The following NDNF variants were observed in gnomAD, a reference collection of about 807,000 sequenced individuals.
The protein encoded by NDNF is neuron derived neurotrophic factor, also known as protein NDNF.
A neutral mutation model predicts 42.0 loss-of-function variants in NDNF; 16 were observed. The ratio of observed to expected loss-of-function variants is 0.38; its 90% CI spans 0.26 to 0.58. The LOEUF (loss-of-function observed/expected upper bound fraction) is 0.58, where lower values mean the gene tolerates loss of function less well. NDNF is among the 20% of genes least tolerant of loss of function. The probability of loss-of-function intolerance (pLI) is 0.67; values close to 1 mark genes in which losing one functional copy is unlikely to be tolerated. For synonymous variants in NDNF, 248 were observed against 251.7 expected, an observed-to-expected ratio of 0.99 and a Z score of 0.14; for missense variants, 616 against 666.2, an observed-to-expected ratio of 0.92 and a Z score of 0.83.
intron 1 of NDNF, among the ~76,000 whole-genome samples, chr4:121,068,612 A>T (rs1377965222): frequency 6.6e-6 from 1 of 152,158 alleles, no homozygotes; most frequent in Non-Finnish European, 1.5e-5. Context: ...TTTTCTTCCA[A>T]GTGATTAGCT....
At chr4:121,039,856 A>G in intron 3 of NDNF, 74 bp downstream of exon 3, 1 of 1,520,906 alleles carries the variant, frequency 6.6e-7, no homozygotes, top group Non-Finnish European at 8.8e-7. Flanking sequence ...ACTAACACAT[A>G]GAAGGTTGTA....
chr4:121,059,367 A>C (rs1030655644), intron 1 of NDNF, among the ~76,000 whole-genome samples: 2 of 152,250 alleles, frequency 1.3e-5, no homozygotes, highest in African/African-American at 4.8e-5. Context: ...GCTGATGTGT[A>C]GAATTTGTTT....
chr4:121,058,674 T>C (rs1727344889), intron 1 of NDNF, among the ~76,000 whole-genome samples: 2 of 152,276 alleles, frequency 1.3e-5, no homozygotes, highest in African/African-American at 4.8e-5. Context: ...CCCCATGTCC[T>C]ATTAATCCTC....
intron 1 of NDNF, among the ~76,000 whole-genome samples, chr4:121,062,195 G>C (rs1469244615): frequency 6.6e-6 from 1 of 152,166 alleles, no homozygotes; most frequent in Non-Finnish European, 1.5e-5. Flanking sequence ...TAGAAGCACA[G>C]AGTTAAAGGC....
intron 3 of NDNF, among the ~76,000 whole-genome samples, chr4:121,039,142 T>C (rs1351502202): frequency 3.3e-5 from 1 of 30,310 alleles, no homozygotes; most frequent in Non-Finnish European, 9.0e-5. Flanking sequence ...TATATATATA[T>C]GTGTATATAT....
At chr4:121,050,410 T>C (rs1710346091) in intron 1 of NDNF, among the ~76,000 whole-genome samples, 1 of 152,144 alleles carries the variant, frequency 6.6e-6, no homozygotes, top group Admixed American at 6.6e-5. Flanking sequence ...ATTTAAACTT[T>C]ACATTAAATA....
chr4:121,045,579 A>C (rs1298066762), intron 2 of NDNF, 71 bp downstream of exon 2: 2 of 1,332,382 alleles, frequency 1.5e-6, no homozygotes, highest in African/African-American at 2.9e-5. Flanking sequence ...AACTAAGTCT[A>C]AAGGTTACTC....
chr4:121,039,957 G>C lies in NDNF; in HGVS notation c.286C>G (p.Pro96Ala). 1 of 1,613,950 alleles carries C rather than the reference G, an allele frequency of 6.2e-7. No homozygotes were observed. The highest frequency in any genetic ancestry group is 8.5e-7 in the Non-Finnish European group (1 of 1,179,944). ...LEWKLSLQEL[P>A]EDRSGEGSGD... ...GAGCCTTCCCCGCTCCTGTCCTCTGGCAGCTCCTGGAGGCTCAGCTTCCAC... is the reference window on the plus strand; with the variant it reads ...GAGCCTTCCCCGCTCCTGTCCTCTGCCAGCTCCTGGAGGCTCAGCTTCCAC... The change falls in exon 3 of 4, where the codon CCA becomes GCA. Residue 96 changes from proline (P) to alanine (A), a missense_variant. Physicochemically the swap from Pro to Ala is conservative, Grantham distance 27. Coordinates refer to ENST00000379692, the MANE Select transcript of NDNF (RefSeq NM_024574.4).
intron 1 of NDNF, among the ~76,000 whole-genome samples, chr4:121,059,022 C>G (rs1427255839): frequency 1.3e-5 from 2 of 152,112 alleles, no homozygotes; most frequent in Non-Finnish European, 2.9e-5. Context: ...GCAAGTGCCT[C>G]TAGCCTGGGC....
chr4:121,062,752 A>G (rs1307533976), intron 1 of NDNF, among the ~76,000 whole-genome samples: 7 of 152,114 alleles, frequency 4.6e-5, no homozygotes, highest in African/African-American at 1.7e-4. Flanking sequence ...CACTAAGGAA[A>G]AGGCTGCAGC....
Position 121,037,561 on chromosome 4 carries a change from A to G in NDNF, c.410T>C (p.Ile137Thr). Residue 137 changes from isoleucine to threonine, a missense_variant, in exon 4 of 4, where the codon ATA (isoleucine) becomes ACA (threonine). Ile to Thr is a moderately conservative substitution (Grantham distance 89). Coordinates refer to ENST00000379692, the MANE Select transcript of NDNF (RefSeq NM_024574.4). ...SYKGNDVEYF[I>T]SSSSPSGLYQ... ...TAAACCGGATGGGGAACTAGACGAT[A>G]TAAAATACTCAACATCATTGCCTTT... 6.2e-7 allele frequency: 1 copy of G among 1,613,872 alleles called. No individual in the cohort carries two copies. The highest frequency in any genetic ancestry group is 1.1e-5 in the South Asian group (1 of 91,066).
intron 3 of NDNF, among the ~76,000 whole-genome samples, chr4:121,039,422 T>G (rs941803998): frequency 4.0e-5 from 6 of 151,644 alleles, no homozygotes; most frequent in African/African-American, 1.5e-4. Context: ...CTAACTTTGT[T>G]TTCATCTTGG....
chr4:121,070,924 G>T (rs954101765), intron 1 of NDNF, among the ~76,000 whole-genome samples: 1 of 152,166 alleles, frequency 6.6e-6, no homozygotes, highest in Non-Finnish European at 1.5e-5. Context: ...AGGTGCCCGC[G>T]GCAAACTCCG....
intron 1 of NDNF, among the ~76,000 whole-genome samples, chr4:121,052,186 T>A (rs891741255): frequency 6.6e-6 from 1 of 152,218 alleles, no homozygotes; most frequent in Non-Finnish European, 1.5e-5. Context: ...TTACATATTA[T>A]AAAATTTAAG....
At chr4:121,038,059 A>G (rs1404186469) in intron 3 of NDNF, 5 of 162,494 alleles carry the variant, frequency 3.1e-5, no homozygotes, top group Admixed American at 3.0e-4. Flanking sequence ...TACACAATAT[A>G]AAGTACCAGT....
intron 2 of NDNF, among the ~76,000 whole-genome samples, chr4:121,040,867 A>G (rs1455159403): frequency 6.6e-6 from 1 of 152,112 alleles, no homozygotes; most frequent in Non-Finnish European, 1.5e-5. Context: ...CTGGTCTCAA[A>G]TTCTTGGCCT....
chr4:121,065,334 G>A (rs1386676254), intron 1 of NDNF, among the ~76,000 whole-genome samples: 1 of 149,038 alleles, frequency 6.7e-6, no homozygotes, highest in Non-Finnish European at 1.5e-5. Flanking sequence ...GCCCCACAAT[G>A]AGGCAAGGAG....
At chr4:121,047,592 C>A (rs1414265381) in intron 1 of NDNF, among the ~76,000 whole-genome samples, 1 of 152,112 alleles carries the variant, frequency 6.6e-6, no homozygotes, top group Non-Finnish European at 1.5e-5. Flanking sequence ...AATTGTATTG[C>A]AAGTGTAAGA....
intron 1 of NDNF, among the ~76,000 whole-genome samples, chr4:121,056,550 G>A (rs1436037052): frequency 6.6e-6 from 1 of 152,130 alleles, no homozygotes; most frequent in East Asian, 1.9e-4. Context: ...AAAACTGAAA[G>A]ACTAAAACAG....
Sources: gnomAD v4.1 joint callset for allele counts (sites outside exome capture counted in the v4.1 genomes callset) on GRCh38, gnomAD v4.1.1 for gene constraint, MANE v1.5 for transcripts, NCBI Gene and HGNC (gene_info 2026-07-23, HGNC 2026-07-21) for gene names.